Variants in ABCC9 observed in about 807,000 individuals in gnomAD.
ABCC9 encodes the protein ATP-binding cassette sub-family C member 9.
In ABCC9, 95 loss-of-function variants were observed where a neutral mutation model predicts 188.3. The observed-to-expected ratio is 0.50, with a 90% confidence interval of 0.43 to 0.60. ABCC9 has a LOEUF of 0.60. ABCC9 is among the 20% of genes least tolerant of loss of function. The probability of loss-of-function intolerance (pLI) is 0.00; values close to 1 mark genes in which losing one functional copy is unlikely to be tolerated. For missense variants in ABCC9, 1,102 were observed against 1,876.3 expected, an observed-to-expected ratio of 0.59 and a Z score of 7.62; for synonymous variants, 659 against 652.7, an observed-to-expected ratio of 1.01 and a Z score of -0.15.
At chr12:21,933,519 A>T (rs1314262698) in intron 4 of ABCC9, among the ~76,000 whole-genome samples, 1 of 152,106 alleles carries the variant, frequency 6.6e-6, no homozygotes, top group Non-Finnish European at 1.5e-5. Flanking sequence ...AAATAAATGG[A>T]AAAATCTGAG....
chr12:21,824,873 C>T (rs1199503484), intron 31 of ABCC9, among the ~76,000 whole-genome samples: 1 of 152,026 alleles, frequency 6.6e-6, no homozygotes, highest in Non-Finnish European at 1.5e-5. Context: ...GTATTTGATT[C>T]TTTTCTCTTT....
intron 31 of ABCC9, among the ~76,000 whole-genome samples, chr12:21,825,850 A>G (rs1943349816): frequency 1.3e-5 from 2 of 152,194 alleles, no homozygotes; most frequent in African/African-American, 4.8e-5. Context: ...CAAATTCAAC[A>G]AAAGGCGTTT....
chr12:21,913,624 T>C (rs184510604), intron 7 of ABCC9, among the ~76,000 whole-genome samples: 201 of 152,318 alleles, frequency 1.3e-3, no homozygotes, highest in Non-Finnish European at 2.1e-3. Flanking sequence ...GTCAATACTT[T>C]AAAAAATTAT....
At chr12:21,920,053 T>G (rs867015426) in intron 5 of ABCC9, among the ~76,000 whole-genome samples, 1 of 152,014 alleles carries the variant, frequency 6.6e-6, no homozygotes, top group South Asian at 2.1e-4. Context: ...AAGACTTTAA[T>G]AACACCCTGA....
chr12:21,890,951 C>T (rs1223032018), intron 14 of ABCC9, among the ~76,000 whole-genome samples: 1 of 151,750 alleles, frequency 6.6e-6, no homozygotes, highest in East Asian at 1.9e-4. Context: ...GCACATGTAC[C>T]CTAAAACTTA....
Position 21,807,430 on chromosome 12 carries a change from C to T in ABCC9, c.4365G>A (p.Gln1455=), listed in dbSNP as rs727504785. The change falls in exon 38 of 40, where the codon CAG becomes CAA. Residue 1455 remains glutamine, a synonymous_variant. Transcript: ENST00000261200. ...GGENFSVGQR[Q]LFCLARAFVR... ...CAAAGGCCCTGGCAAGGCAAAATAG[C>T]TGTCTCTGTCCAACGCTAAAATTCT... The T allele has an allele frequency of 8.1e-6, 13 of 1,613,866 alleles. No individual in the cohort carries two copies. Among genetic ancestry groups the T allele is most frequent in the Middle Eastern group, 1.6e-4 (1 of 6,084 alleles).
chr12:21,848,111 TC>T, intron 25 of ABCC9, 38 bp downstream of exon 25: 2 of 1,572,512 alleles, frequency 1.3e-6, no homozygotes, highest in South Asian at 1.1e-5. Context: ...CATCCTGTTA[TC>T]CCATTAGAAT....
rs1200685317 is a variant in ABCC9 at position 21,936,550 on chromosome 12, A to C, written c.125T>G (p.Phe42Cys). 6.2e-7 allele frequency: 1 copy of C among 1,612,946 alleles called. No individual in the cohort carries two copies. The highest frequency in any genetic ancestry group is 1.1e-5 in the South Asian group (1 of 91,012). The change falls in exon 3 of 40, where the codon TTT becomes TGT. Residue 42 changes from phenylalanine (F) to cysteine (C), a missense_variant. This residue lies in a region of ABCC9 where 305 missense variants were observed against 573.0 expected (regional missense o/e 0.53). Coordinates refer to ENST00000261200, the MANE Select transcript of ABCC9 (RefSeq NM_020297.4). ...VPHVFLLFIT[F>C]PILFIGWGSQ... ...TTACTTACCAATAAACAATATTGGA[A>C]AAGTGATAAACAACAGAAAGACATG...
At chr12:21,886,751 C>T (rs1201631166) in intron 15 of ABCC9, among the ~76,000 whole-genome samples, 1 of 152,152 alleles carries the variant, frequency 6.6e-6, no homozygotes, top group Non-Finnish European at 1.5e-5. Flanking sequence ...TTCTCTTCTT[C>T]ACCAGGCTCC....
rs1944196232 is a variant in ABCC9, at chr12:21,838,113, T to A, written c.3531A>T (p.Glu1177Asp). 1 of 1,614,044 alleles carries A rather than the reference T, an allele frequency of 6.2e-7. No homozygotes were observed. Among genetic ancestry groups the A allele is most frequent in the Admixed American group, 1.7e-5 (1 of 59,996 alleles). The change falls in exon 30 of 40, where the codon GAA becomes GAT. Residue 1177 changes from glutamate (E) to aspartate (D), a missense_variant. Coordinates refer to ENST00000261200, the MANE Select transcript of ABCC9 (RefSeq NM_020297.4). ...GAATGGTGGTGAGTCCTTCTGCTGT[T>A]TCTGAGAAGTGACAGAGCAGAGGGA... Reference protein sequence around the residue: ...TQLPLLCHFSETAEGLTTIRA... With the variant: ...TQLPLLCHFSDTAEGLTTIRA...
At chr12:21,806,568 C>T (rs1941862114) in intron 38 of ABCC9, among the ~76,000 whole-genome samples, 1 of 152,092 alleles carries the variant, frequency 6.6e-6, no homozygotes, top group South Asian at 2.1e-4. Flanking sequence ...CCATCTCTGT[C>T]CTAGAGGAAA....
chr12:21,857,295 T>C (rs757489549), intron 22 of ABCC9, among the ~76,000 whole-genome samples: 5 of 152,144 alleles, frequency 3.3e-5, no homozygotes, highest in Non-Finnish European at 5.9e-5. Flanking sequence ...GAATTGAAAA[T>C]ACTATGCTTG....
In ABCC9 at chr12:21,805,320, A is replaced by G. The variant is rs1025168484; in HGVS notation, c.4512+678T>C. On this transcript the variant is annotated intron_variant, in intron 39 of 39. Coordinates refer to ENST00000261200, the MANE Select transcript of ABCC9 (RefSeq NM_020297.4). ...ATAGAAGAGACACGGTGCTGGAGAGAAAAATAGAAAAGAAGAGAATCAGCA... is the reference window on the plus strand; with the variant it reads ...ATAGAAGAGACACGGTGCTGGAGAGGAAAATAGAAAAGAAGAGAATCAGCA... The G allele has an allele frequency of 6.2e-7, 1 of 1,613,138 alleles. No homozygotes were observed. Among genetic ancestry groups the G allele is most frequent in the African/African-American group, 1.3e-5 (1 of 74,898 alleles).
chr12:21,875,537 T>G, intron 17 of ABCC9, 117 bp downstream of exon 17: 1 of 748,832 alleles, frequency 1.3e-6, no homozygotes, highest in Non-Finnish European at 2.2e-6. Context: ...TGCAAATAGG[T>G]AATCATAAAT....
intron 12 of ABCC9, among the ~76,000 whole-genome samples, chr12:21,900,090 G>A (rs545533108): frequency 6.6e-6 from 1 of 152,232 alleles, no homozygotes; most frequent in South Asian, 2.1e-4. Flanking sequence ...TCACACGGCC[G>A]GGTACCCCTC....
intron 2 of ABCC9, among the ~76,000 whole-genome samples, chr12:21,936,988 G>A (rs949969603): frequency 2.6e-5 from 4 of 151,946 alleles, no homozygotes; most frequent in Admixed American, 2.6e-4. Flanking sequence ...TGACTAAAAT[G>A]CTTTCAAAGA....
chr12:21,911,958 C>A (rs191542104), intron 8 of ABCC9, among the ~76,000 whole-genome samples: 1 of 151,758 alleles, frequency 6.6e-6, no homozygotes, highest in East Asian at 1.9e-4. Flanking sequence ...AATGGCTCAC[C>A]GTAATTGTTT....
chr12:21,809,601 T>C (rs569318576), intron 37 of ABCC9, among the ~76,000 whole-genome samples: 1 of 152,254 alleles, frequency 6.6e-6, no homozygotes, highest in African/African-American at 2.4e-5. Context: ...TGTGAAAAGA[T>C]GGCAGAGATA....
chr12:21,818,683 T>C (rs186292544), intron 31 of ABCC9, among the ~76,000 whole-genome samples: 1 of 150,128 alleles, frequency 6.7e-6, no homozygotes, highest in East Asian at 2.0e-4. Context: ...TACTGCATTA[T>C]GTTGCCAGAC....
Sources: gnomAD v4.1 joint callset for allele counts (sites outside exome capture counted in the v4.1 genomes callset) on GRCh38, gnomAD v4.1.1 for gene constraint, gnomAD v4.1.1 regional missense constraint, MANE v1.5 for transcripts, NCBI Gene and HGNC (gene_info 2026-07-23, HGNC 2026-07-21) for gene names.